TLK1: variants seen among roughly 807,000 people sequenced by gnomAD.
TLK1 encodes serine/threonine-protein kinase tousled-like 1.
In TLK1, 24 loss-of-function variants were observed where a neutral mutation model predicts 105.3. The ratio of observed to expected loss-of-function variants is 0.23; its 90% CI spans 0.17 to 0.32. The LOEUF is 0.32. Ranked by LOEUF, TLK1 falls within the 10% of genes least tolerant of loss-of-function variation. The pLI, the probability that TLK1 is intolerant of heterozygous loss-of-function variation, is 1.00. For missense variants in TLK1, 558 were observed against 910.5 expected (o/e 0.61, Z 4.98); for synonymous variants, 321 against 310.4 (o/e 1.03, Z -0.36).
chr2:171,022,169 T>A (rs1228460082), intron 12 of TLK1, among the ~76,000 whole-genome samples: 1 of 151,222 alleles, frequency 6.6e-6, no homozygotes, highest in East Asian at 2.0e-4. Flanking sequence ...TTCATTTTGG[T>A]AGCTGAACAT....
At chr2:171,061,599 C>G (rs1307131951) in intron 3 of TLK1, among the ~76,000 whole-genome samples, 1 of 152,106 alleles carries the variant, frequency 6.6e-6, no homozygotes, top group Non-Finnish European at 1.5e-5. Flanking sequence ...GAACACAAAC[C>G]CTGATATACA....
At chr2:171,043,136 G>C (rs1168366189) in intron 11 of TLK1, among the ~76,000 whole-genome samples, 1 of 152,202 alleles carries the variant, frequency 6.6e-6, no homozygotes, top group African/African-American at 2.4e-5. Context: ...GAAACATTAA[G>C]ATGACAGGCA....
chr2:171,015,034 A>G, intron 12 of TLK1, 86 bp from the exon 13 acceptor site: 4 of 970,056 alleles, frequency 4.1e-6, no homozygotes, highest in Non-Finnish European at 6.5e-6. Flanking sequence ...AATGTTTTAC[A>G]GTGATGGGAA....
chr2:171,123,634 CCT>C (rs1455593610), intron 1 of TLK1, among the ~76,000 whole-genome samples: 1 of 151,976 alleles, frequency 6.6e-6, no homozygotes, highest in Non-Finnish European at 1.5e-5. Flanking sequence ...ATAGGGAGAC[CCT>C]GTCTCTACAA....
intron 3 of TLK1, among the ~76,000 whole-genome samples, chr2:171,067,891 G>T (rs1157980016): frequency 6.6e-6 from 1 of 152,134 alleles, no homozygotes; most frequent in Non-Finnish European, 1.5e-5. Context: ...CTGTTCTTGT[G>T]TTAGTTTGCT....
chr2:171,091,706 G>A (rs1689238531), intron 2 of TLK1: 1 of 143,974 alleles, frequency 6.9e-6, no homozygotes, highest in South Asian at 2.3e-4. Flanking sequence ...GGGATGGCGG[G>A]GGGGTGTCTT....
chr2:171,078,119 C>T (rs1688595536), intron 3 of TLK1, among the ~76,000 whole-genome samples: 1 of 152,174 alleles, frequency 6.6e-6, no homozygotes, highest in African/African-American at 2.4e-5. Flanking sequence ...TGTTATCTTC[C>T]TTCTGTGATG....
chr2:171,132,604 GC>G (rs1691149003), intron 1 of TLK1, among the ~76,000 whole-genome samples: 1 of 152,204 alleles, frequency 6.6e-6, no homozygotes, highest in Admixed American at 6.5e-5. Context: ...ATAATTAAAA[GC>G]CTAAAAGGGA....
intron 2 of TLK1, among the ~76,000 whole-genome samples, chr2:171,097,818 G>A (rs528014874): frequency 4.6e-5 from 7 of 152,034 alleles, no homozygotes; most frequent in South Asian, 2.1e-4. Context: ...CCTGCTACTC[G>A]GGAGGCTCAG....
At chr2:171,062,470 C>T (rs1558917816) in intron 3 of TLK1, among the ~76,000 whole-genome samples, 1 of 152,064 alleles carries the variant, frequency 6.6e-6, no homozygotes, top group Non-Finnish European at 1.5e-5. Context: ...TAAAGTTCTC[C>T]CACCTCCATT....
chr2:171,019,333 T>C (rs546362155), intron 12 of TLK1, among the ~76,000 whole-genome samples: 1 of 152,310 alleles, frequency 6.6e-6, no homozygotes, highest in African/African-American at 2.4e-5. Context: ...GTGGTTCCCA[T>C]GTGAAGGAGA....
At chr2:171,046,074 T>C in intron 11 of TLK1, 100 bp downstream of exon 11, 1 of 1,084,144 alleles carries the variant, frequency 9.2e-7, no homozygotes, top group Non-Finnish European at 1.3e-6. Flanking sequence ...GTCTTAATCA[T>C]TTTTGCTATC....
chr2:171,086,455 G>A (rs11888560), intron 2 of TLK1, among the ~76,000 whole-genome samples: 3,688 of 151,902 alleles, frequency 0.024, 140 homozygotes, highest in African/African-American at 0.083. Context: ...GTGAAACCCC[G>A]TCTCTACTAA....
At chr2:171,124,024 AT>A (rs1457197619) in intron 1 of TLK1, among the ~76,000 whole-genome samples, 1 of 152,232 alleles carries the variant, frequency 6.6e-6, no homozygotes, top group Admixed American at 6.5e-5. Context: ...GTGCAGATTA[AT>A]TACTTCCAAT....
chr2:171,099,839 A>G (rs1354744916), intron 2 of TLK1, among the ~76,000 whole-genome samples: 1 of 152,216 alleles, frequency 6.6e-6, no homozygotes, highest in Non-Finnish European at 1.5e-5. Flanking sequence ...ACCTCATACC[A>G]TATATGCAAA....
intron 2 of TLK1, among the ~76,000 whole-genome samples, chr2:171,116,162 G>A (rs957460563): frequency 1.3e-5 from 2 of 152,126 alleles, no homozygotes; most frequent in African/African-American, 4.8e-5. Context: ...AACAAATTTA[G>A]AGAGTTCAAT....
intron 2 of TLK1, among the ~76,000 whole-genome samples, chr2:171,083,197 A>T (rs145006283): frequency 5.8e-4 from 88 of 152,296 alleles, no homozygotes; most frequent in African/African-American, 2.0e-3. Flanking sequence ...AACTAATGCT[A>T]CCTTTGGCTG....
At chr2:171,123,793 A>G (rs1395408798) in intron 1 of TLK1, among the ~76,000 whole-genome samples, 1 of 152,218 alleles carries the variant, frequency 6.6e-6, no homozygotes, top group African/African-American at 2.4e-5. Flanking sequence ...GCCTGGGCGC[A>G]GAATGAGAGC....
intron 1 of TLK1, among the ~76,000 whole-genome samples, chr2:171,129,444 T>G (rs2105553004): frequency 6.6e-6 from 1 of 152,274 alleles, no homozygotes; most frequent in African/African-American, 2.4e-5. Context: ...TTACAGCAGG[T>G]AAGTAGATCC....
Sources: allele counts gnomAD v4.1 joint callset (sites outside exome capture counted in the v4.1 genomes callset), GRCh38; gene constraint gnomAD v4.1.1; transcripts MANE v1.5; gene names NCBI Gene and HGNC (gene_info 2026-07-23, HGNC 2026-07-21).